DBH: variants seen among roughly 807,000 people sequenced by gnomAD.
DBH encodes dopamine beta-hydroxylase, also known as dopamine beta-hydroxylase (dopamine beta-monooxygenase).
Under a neutral mutation model 64.0 loss-of-function variants are expected in DBH, and 49 were observed. The observed-to-expected ratio is 0.77, with a 90% CI of 0.61 to 0.97. The LOEUF (loss-of-function observed/expected upper bound fraction) is 0.97. Ranked by LOEUF, DBH falls within the 50% of genes least tolerant of loss-of-function variation. The pLI, the probability that DBH is intolerant of heterozygous loss-of-function variation, is 0.00. For missense variants in DBH, 828 were observed against 826.6 expected, an observed-to-expected ratio of 1.00 and a Z score of -0.02; for synonymous variants, 343 against 347.1, an observed-to-expected ratio of 0.99 and a Z score of 0.13.
At chr9:133,640,473 C>CCCATCTCCA (rs1832105283) in intron 2 of DBH, among the ~76,000 whole-genome samples, 1 of 152,236 alleles carries the variant, frequency 6.6e-6, no homozygotes, top group Non-Finnish European at 1.5e-5. Context: ...ACTAGATGAT[C>CCCATCTCCA]TGTATGGCCT....
intron 10 of DBH, among the ~76,000 whole-genome samples, chr9:133,656,861 C>T (rs988480737): frequency 6.6e-6 from 1 of 152,196 alleles, no homozygotes; most frequent in Non-Finnish European, 1.5e-5. Context: ...GCAGCCATTA[C>T]CCACCCGCCA....
At chr9:133,646,789 G>A (rs924287116) in intron 5 of DBH, among the ~76,000 whole-genome samples, 1 of 152,196 alleles carries the variant, frequency 6.6e-6, no homozygotes, top group Non-Finnish European at 1.5e-5. Context: ...CTCCCAAAGT[G>A]CTGGGATTAC....
intron 9 of DBH, 61 bp downstream of exon 9, chr9:133,653,060 G>A: frequency 7.6e-7 from 1 of 1,320,560 alleles, no homozygotes; most frequent in Admixed American, 1.7e-5. Context: ...TGAGCCATCT[G>A]AGGAAGGATG....
At position 133,643,297 on chromosome 9, in the gene DBH, G is replaced by A; in HGVS notation, c.745-116G>A. On this transcript the variant is annotated intron_variant, in intron 3 of 11. Transcript: ENST00000393056. The surrounding 1 kb of genome is among the most constrained non-coding windows in gnomAD (Gnocchi z 5.3). ...GAACCCCAGAAGTGCCCCTGAAATT[G>A]TCTGGATCATCCCTCCCATTTTACA... 1 of 1,124,004 alleles carries A rather than the reference G, an allele frequency of 8.9e-7. No homozygotes were observed. The highest frequency in any genetic ancestry group is 1.3e-6 in the Non-Finnish European group (1 of 760,128). 69.6% of individuals were successfully genotyped at this position (1,124,004 alleles called of 1,614,324 possible).
chr9:133,640,448 A>G (rs1175303780), intron 2 of DBH, among the ~76,000 whole-genome samples: 2 of 152,176 alleles, frequency 1.3e-5, no homozygotes, highest in Non-Finnish European at 2.9e-5. Context: ...GCCCATCTGT[A>G]AAATGGAGAT....
In DBH at chr9:133,656,556, A is replaced by C. The variant is rs774885867; in HGVS notation, c.1468A>C (p.Asn490His). ...CGGGATCCTGGAGGAGATGTGTGTC[A>C]ACTACGTGCACTACTACCCCCAGAC... is the stretch of plus-strand genomic sequence containing the variant. Reference protein sequence around the residue: ...GFGILEEMCVNYVHYYPQTQL... With the variant: ...GFGILEEMCVHYVHYYPQTQL... Residue 490 changes from asparagine to histidine, a missense_variant, in exon 10 of 12, where the codon AAC becomes CAC. Coordinates refer to ENST00000393056, the MANE Select transcript of DBH (RefSeq NM_000787.4). 4 of 1,613,896 alleles carry C rather than the reference A, an allele frequency of 2.5e-6. No homozygotes were observed. In the South Asian group the frequency reaches 4.4e-5, roughly 18 times the overall value.
At chr9:133,638,092 T>G (rs1015078308) in intron 1 of DBH, among the ~76,000 whole-genome samples, 2 of 152,234 alleles carry the variant, frequency 1.3e-5, no homozygotes, top group Admixed American at 1.3e-4. Context: ...TCCCGGCTGC[T>G]AGGGAAGCCA....
Position 133,651,780 on chromosome 9 carries a change from A to T in DBH, c.1335+3A>T. The T allele has an allele frequency of 6.3e-7, 1 of 1,577,038 alleles. No individual in the cohort carries two copies. Among genetic ancestry groups the T allele is most frequent in the Non-Finnish European group, 8.6e-7 (1 of 1,162,514 alleles). ...ATCACTACAGCCCTCACTTCCAGGT[A>T]GGAACCTGCACCCCACCCCTGCCCC... On this transcript the variant is annotated splice_donor_region_variant and intron_variant, in intron 7 of 11. Coordinates refer to ENST00000393056, the MANE Select transcript of DBH (RefSeq NM_000787.4).
intron 9 of DBH, chr9:133,654,578 A>G (rs2097629): frequency 0.39 from 59,504 of 151,808 alleles, 11,705 homozygotes; most frequent in East Asian, 0.51. Context: ...CTCAGGGTGG[A>G]GACAGGACAG....
At chr9:133,648,107 A>G in intron 6 of DBH, 95 bp downstream of exon 6, 2 of 1,419,468 alleles carry the variant, frequency 1.4e-6, no homozygotes, top group South Asian at 1.2e-5. Context: ...TGGCAGGCAC[A>G]GCTTTGGTTT....
At chr9:133,649,251 T>C (rs897809687) in intron 6 of DBH, among the ~76,000 whole-genome samples, 2 of 152,206 alleles carry the variant, frequency 1.3e-5, no homozygotes, top group African/African-American at 4.8e-5. Context: ...GAGTTCTTCT[T>C]ATATGATGGA....
In DBH at chr9:133,643,666, C is replaced by G; in HGVS notation, c.921+77C>G. ...CCCCACACCTCTGTTTCCCCAGCTT[C>G]ACCGTCTCAGAGGCTTCAAGAAGGG... On this transcript the variant is annotated intron_variant, in intron 4 of 11. Coordinates refer to ENST00000393056, the MANE Select transcript of DBH (RefSeq NM_000787.4). This position sits in a 1 kb window ranked among gnomAD's most constrained non-coding sequence, Gnocchi z 5.3. 6.4e-7 allele frequency: 1 copy of G among 1,552,318 alleles called. No homozygotes were observed.
rs1174740766 is a variant in DBH, at chr9:133,642,192, C to A, written c.487-15C>A. On this transcript the variant is annotated splice_polypyrimidine_tract_variant and intron_variant, in intron 2 of 11. Transcript: ENST00000393056. The stretch of plus-strand genomic sequence containing the variant: ...CTCTGAGAGGGCGACCAGCTGAACC[C>A]TGTCTCGGCTGCAGGACGGCACTGT... 3.1e-6 allele frequency: 5 copies of A among 1,612,374 alleles called. No individual in the cohort carries two copies. The highest frequency in any genetic ancestry group is 4.2e-6 in the Non-Finnish European group (5 of 1,179,960).
intron 11 of DBH, 95 bp downstream of exon 11, chr9:133,657,324 C>T: frequency 1.4e-6 from 2 of 1,468,436 alleles, no homozygotes; most frequent in Non-Finnish European, 1.9e-6. Context: ...AAACTGCTGG[C>T]AAAAGCACTC....
rs1224818173 is a variant in DBH, at chr9:133,658,591, G to A, written c.*144G>A. 4.1e-6 allele frequency: 4 copies of A among 974,328 alleles called. No homozygotes were observed. Among genetic ancestry groups the A allele is most frequent in the Non-Finnish European group, 5.8e-6 (4 of 688,218 alleles). The allele number at this position is 974,328 out of a possible 1,614,324, so 60.4% of individuals were successfully genotyped here. ...AGACCACGCCCCTGCCTGAGACCAC[G>A]GTCCAATCCAGCCTTCTTCCCCCAG... On this transcript the variant is annotated 3_prime_UTR_variant, in exon 12 of 12. Coordinates refer to ENST00000393056, the MANE Select transcript of DBH (RefSeq NM_000787.4).
chr9:133,657,278 G>A (rs752828029), intron 11 of DBH, 49 bp downstream of exon 11: 1 of 1,609,304 alleles, frequency 6.2e-7, no homozygotes, highest in African/African-American at 1.3e-5. Context: ...CAGGCCTCAT[G>A]GGGGGCCCCA....
At chr9:133,640,528 C>A (rs555079970) in intron 2 of DBH, among the ~76,000 whole-genome samples, 1 of 152,224 alleles carries the variant, frequency 6.6e-6, no homozygotes, top group Non-Finnish European at 1.5e-5. Context: ...ATTGTAAAAG[C>A]CATAGGCTTC....
chr9:133,653,374 G>A (rs866924279), intron 9 of DBH, among the ~76,000 whole-genome samples: 1 of 152,152 alleles, frequency 6.6e-6, no homozygotes, highest in Non-Finnish European at 1.5e-5. Context: ...CCTTTGCCCC[G>A]TGGAGCTCAA....
Position 133,643,747 on chromosome 9 carries a change from C to T in DBH, c.921+158C>T, listed in dbSNP as rs1419847384. On this transcript the variant is annotated intron_variant, in intron 4 of 11. Transcript: ENST00000393056. The surrounding 1 kb of genome is among the most constrained non-coding windows in gnomAD (Gnocchi z 5.3). ...AGGGCCAGGCCTGAGGTGGCCCCCT[C>T]GCCTCTGTGATGTCTGAAATGCTTC... Among the ~76,000 whole-genome samples, 2 of 152,214 alleles carry T rather than the reference C, an allele frequency of 1.3e-5. No individual in the cohort carries two copies. The highest frequency in any genetic ancestry group is 2.1e-4 in the South Asian group (1 of 4,828).
Sources: gnomAD v4.1 joint callset for allele counts (sites outside exome capture counted in the v4.1 genomes callset) on GRCh38, gnomAD v4.1.1 for gene constraint, Gnocchi (gnomAD v3.1) non-coding constraint, MANE v1.5 for transcripts, NCBI Gene and HGNC (gene_info 2026-07-23, HGNC 2026-07-21) for gene names.